ERC2: variants seen among roughly 807,000 people sequenced by gnomAD.
The protein encoded by ERC2 is ELKS/RAB6-interacting/CAST family member 2, also known as ERC protein 2.
In ERC2, 42 loss-of-function variants were observed where a neutral mutation model predicts 114.8. That is an observed-to-expected ratio of 0.37 (90% CI 0.29 to 0.47). The LOEUF is 0.47. ERC2 is among the 20% of genes least tolerant of loss of function. The probability of loss-of-function intolerance (pLI) is 0.99; values close to 1 mark genes in which losing one functional copy is unlikely to be tolerated. For synonymous variants in ERC2, 454 were observed against 425.5 expected, an observed-to-expected ratio of 1.07 and a Z score of -0.82; for missense variants, 939 against 1,150.7, an observed-to-expected ratio of 0.82 and a Z score of 2.66.
chr3:55,716,973 C>A (rs545782857), intron 15 of ERC2, among the ~76,000 whole-genome samples: 1 of 152,278 alleles, frequency 6.6e-6, no homozygotes, highest in East Asian at 1.9e-4. Context: ...AAATGCTGAT[C>A]TGTCAACCAG....
At chr3:56,403,954 A>G (rs1329951875) in intron 2 of ERC2, among the ~76,000 whole-genome samples, 2 of 152,196 alleles carry the variant, frequency 1.3e-5, no homozygotes, top group African/African-American at 2.4e-5. Flanking sequence ...CTCAGTGTGC[A>G]TTAGTTTTGT....
intron 2 of ERC2, among the ~76,000 whole-genome samples, chr3:56,313,698 T>C (rs1187412452): frequency 6.6e-6 from 1 of 152,120 alleles, no homozygotes; most frequent in African/African-American, 2.4e-5. Flanking sequence ...TGCTCCAAAT[T>C]GAAAATACCC....
At chr3:55,772,376 G>A (rs193136234) in intron 14 of ERC2, among the ~76,000 whole-genome samples, 6 of 151,764 alleles carry the variant, frequency 4.0e-5, no homozygotes, top group East Asian at 2.0e-4. Context: ...GTGCAGTGGC[G>A]CGATCTCGGC....
At chr3:55,786,851 T>A (rs140351362) in intron 14 of ERC2, among the ~76,000 whole-genome samples, 15 of 151,956 alleles carry the variant, frequency 9.9e-5, no homozygotes, top group African/African-American at 3.6e-4. Context: ...AGGTGGTGAG[T>A]AATGAAAAAA....
At chr3:55,778,180 A>G (rs186568290) in intron 14 of ERC2, among the ~76,000 whole-genome samples, 7 of 152,326 alleles carry the variant, frequency 4.6e-5, no homozygotes, top group Admixed American at 2.6e-4. Flanking sequence ...ACACGTGTGT[A>G]TGTATATATG....
chr3:56,159,451 A>T (rs1468662205), intron 4 of ERC2, among the ~76,000 whole-genome samples: 3 of 152,206 alleles, frequency 2.0e-5, no homozygotes, highest in Non-Finnish European at 4.4e-5. Context: ...AAGAATACTA[A>T]ACCTCTAAAC....
chr3:56,230,063 A>C (rs138715347), intron 3 of ERC2, among the ~76,000 whole-genome samples: 4,204 of 151,692 alleles, frequency 0.028, 99 homozygotes, highest in South Asian at 0.041. Context: ...ACAGGGTTTC[A>C]CCATATTGGC....
chr3:55,721,632 C>T lies in ERC2; in HGVS notation c.2712+13139G>A, dbSNP rs75690885. Among the ~76,000 whole-genome samples the T allele has an allele frequency of 7.3e-3, 1,117 of 152,320 alleles. 18 individuals carry two copies. The highest frequency in any genetic ancestry group is 0.021 in the African/African-American group (867 of 41,578). Reference sequence around the variant, plus strand: ...CATTGGGACCAGAGCTGGGCTAGAACTCTTGGGTCCATTCTCAGACCCTGA... The same window carrying T: ...CATTGGGACCAGAGCTGGGCTAGAATTCTTGGGTCCATTCTCAGACCCTGA... On this transcript the variant is annotated intron_variant, in intron 15 of 17. Coordinates refer to ENST00000288221, the MANE Select transcript of ERC2 (RefSeq NM_015576.3).
At chr3:55,876,721 A>C (rs1368616220) in intron 14 of ERC2, among the ~76,000 whole-genome samples, 2 of 152,178 alleles carry the variant, frequency 1.3e-5, no homozygotes, top group Non-Finnish European at 2.9e-5. Context: ...GGAGCTAGAC[A>C]GGATTATGTT....
chr3:55,835,819 G>C (rs978036390), intron 14 of ERC2, among the ~76,000 whole-genome samples: 5 of 151,952 alleles, frequency 3.3e-5, no homozygotes, highest in African/African-American at 1.2e-4. Flanking sequence ...GATTGTCCCT[G>C]TTTGCAGATG....
At chr3:56,103,743 GTATCTATCTATC>G (rs58839474) in intron 6 of ERC2, among the ~76,000 whole-genome samples, 346 of 149,158 alleles carry the variant, frequency 2.3e-3, no homozygotes, top group African/African-American at 6.8e-3. Context: ...AACTAGAAGT[GTATCTATCTATC>G]TATCTATCTA....
intron 3 of ERC2, among the ~76,000 whole-genome samples, chr3:56,226,318 C>A (rs1289043782): frequency 6.6e-6 from 1 of 152,114 alleles, no homozygotes; most frequent in Non-Finnish European, 1.5e-5. Context: ...CATCATCTCC[C>A]CAGCACCTAG....
intron 5 of ERC2, among the ~76,000 whole-genome samples, chr3:56,146,407 A>G (rs547871425): frequency 6.6e-6 from 1 of 152,340 alleles, no homozygotes; most frequent in Non-Finnish European, 1.5e-5. Flanking sequence ...CAATGGAGAA[A>G]ATATTAAAAA....
At chr3:56,009,527 C>A (rs879487022) in intron 9 of ERC2, among the ~76,000 whole-genome samples, 1 of 152,088 alleles carries the variant, frequency 6.6e-6, no homozygotes, top group African/African-American at 2.4e-5. Context: ...GGAAATACTG[C>A]GGAGCTAGGA....
At chr3:55,822,817 G>A (rs2060183532) in intron 14 of ERC2, among the ~76,000 whole-genome samples, 3 of 152,062 alleles carry the variant, frequency 2.0e-5, no homozygotes, top group African/African-American at 7.2e-5. Flanking sequence ...GTTTCACCGC[G>A]TTAGCCAGGA....
chr3:56,181,977 G>A (rs1279772491), intron 3 of ERC2, among the ~76,000 whole-genome samples: 1 of 152,156 alleles, frequency 6.6e-6, no homozygotes, highest in Non-Finnish European at 1.5e-5. Context: ...ACCTCATAAG[G>A]GGCACTGGGC....
intron 14 of ERC2, among the ~76,000 whole-genome samples, chr3:55,779,772 G>A (rs745328359): frequency 6.6e-6 from 1 of 152,138 alleles, no homozygotes; most frequent in African/African-American, 2.4e-5. Flanking sequence ...AGTCAAGAGA[G>A]GTAAATACAT....
chr3:55,574,441 C>G (rs574050012), intron 17 of ERC2, among the ~76,000 whole-genome samples: 5 of 152,190 alleles, frequency 3.3e-5, no homozygotes, highest in African/African-American at 1.2e-4. Context: ...GGAATGAGCT[C>G]TCTCACACTA....
At chr3:55,722,091 T>C (rs1415097748) in intron 15 of ERC2, among the ~76,000 whole-genome samples, 2 of 152,194 alleles carry the variant, frequency 1.3e-5, no homozygotes, top group African/African-American at 4.8e-5. Flanking sequence ...GATCTAAAGT[T>C]ATAGTCTTTT....
Sources: allele counts gnomAD v4.1 joint callset (sites outside exome capture counted in the v4.1 genomes callset), GRCh38; gene constraint gnomAD v4.1.1; transcripts MANE v1.5; gene names NCBI Gene and HGNC (gene_info 2026-07-23, HGNC 2026-07-21).